PTGER3: variants seen among roughly 807,000 people sequenced by gnomAD.
PTGER3 encodes the protein prostaglandin E2 receptor EP3 subtype.
PTGER3 carries 22 observed loss-of-function variants against 34.7 expected under a neutral mutation model. The ratio of observed to expected loss-of-function variants is 0.63; its 90% CI spans 0.45 to 0.91. The LOEUF (loss-of-function observed/expected upper bound fraction) is 0.91. PTGER3 is among the 40% of genes least tolerant of loss of function. The pLI is 0.00. For missense variants in PTGER3, 468 were observed against 519.4 expected (o/e 0.90, Z 0.96); for synonymous variants, 241 against 230.1 (o/e 1.05, Z -0.43).
chr1:71,023,956 C>T (rs1658657566), intron 1 of PTGER3, among the ~76,000 whole-genome samples: 1 of 151,790 alleles, frequency 6.6e-6, no homozygotes, highest in South Asian at 2.1e-4. Flanking sequence ...CTGGCCTGGC[C>T]CATGCTGCTG....
At chr1:70,996,619 C>T (rs1214006002) in intron 2 of PTGER3, among the ~76,000 whole-genome samples, 1 of 117,716 alleles carries the variant, frequency 8.5e-6, no homozygotes, top group African/African-American at 3.3e-5. Context: ...CGCCACCATG[C>T]CCGGCTAATT....
At chr1:71,036,255 C>T (rs1481325666) in intron 1 of PTGER3, among the ~76,000 whole-genome samples, 2 of 152,176 alleles carry the variant, frequency 1.3e-5, no homozygotes, top group Non-Finnish European at 2.9e-5. Context: ...GATCAAGAAA[C>T]TGAACCTCTT....
At chr1:71,016,247 T>G (rs1348510806) in intron 1 of PTGER3, among the ~76,000 whole-genome samples, 6 of 152,154 alleles carry the variant, frequency 3.9e-5, no homozygotes, top group African/African-American at 1.4e-4. Context: ...AGCTATACAA[T>G]AAATAAATGT....
At chr1:70,882,782 G>A (rs569033925) in intron 4 of PTGER3, among the ~76,000 whole-genome samples, 56 of 152,164 alleles carry the variant, frequency 3.7e-4, no homozygotes, top group Non-Finnish European at 7.2e-4. Context: ...ATGTGGGAGA[G>A]GTTCTCCTGG....
intron 3 of PTGER3, among the ~76,000 whole-genome samples, chr1:70,972,054 G>T (rs941234000): frequency 6.6e-6 from 1 of 152,118 alleles, no homozygotes; most frequent in Non-Finnish European, 1.5e-5. Flanking sequence ...TAGGCCAGAC[G>T]CGGTGGTTCA....
chr1:70,889,827 G>A (rs770681159), intron 4 of PTGER3, among the ~76,000 whole-genome samples: 45 of 151,854 alleles, frequency 3.0e-4, no homozygotes, highest in Non-Finnish European at 5.9e-4. Flanking sequence ...CCACATGTCT[G>A]TGAGGACTTG....
In PTGER3 at chr1:70,964,899, C is replaced by A. The variant is rs567888611; in HGVS notation, c.1078-11110G>T. On this transcript the variant is annotated intron_variant, in intron 2 of 3. Coordinates refer to the PTGER3 transcript ENST00000356595. ...CATACACCGTGATAGACACACCAGA[C>A]GTGGAAGTGAGAAATATGGTTCCCA... 4.6e-5 allele frequency among the ~76,000 whole-genome samples: 7 copies of A among 152,186 alleles called. No homozygotes were observed. The South Asian group carries it at 1.2e-3, about 27-fold the overall frequency.
At chr1:70,946,941 G>A (rs1347710559) in intron 4 of PTGER3, among the ~76,000 whole-genome samples, 1 of 152,032 alleles carries the variant, frequency 6.6e-6, no homozygotes, top group Non-Finnish European at 1.5e-5. Context: ...TCCAGGTGCA[G>A]TAACTCCATA....
chr1:70,862,190 T>C lies in PTGER3; in HGVS notation c.*24-9331A>G, dbSNP rs12061298. 2.3e-3 allele frequency: 1,172 copies of C among 504,802 alleles called. 16 individuals are homozygous for C. The highest frequency in any genetic ancestry group is 0.022 in the African/African-American group (1,082 of 48,738). The allele number at this position is 504,802 out of a possible 1,614,324, so 31.3% of individuals were successfully genotyped here. A position where few individuals can be genotyped will look rare whatever the true frequency, so the allele number is the denominator to read the frequency against. Reference sequence around the variant, plus strand: ...GAACCAAAATTAGCACCTCTTTTTTTCACCCACTCCTGAATTTATGAAATG... The same window carrying C: ...GAACCAAAATTAGCACCTCTTTTTTCCACCCACTCCTGAATTTATGAAATG... On this transcript the variant is annotated intron_variant, in intron 4 of 4. Coordinates refer to the PTGER3 transcript ENST00000370931.
intron 2 of PTGER3, among the ~76,000 whole-genome samples, chr1:70,964,696 T>C (rs1227584242): frequency 6.6e-6 from 1 of 152,182 alleles, no homozygotes; most frequent in Non-Finnish European, 1.5e-5. Context: ...AGCCAAACCA[T>C]ATCAAGCGGT....
rs866699206 is a variant in PTGER3, at chr1:70,900,907, A to G, written c.*24-48048T>C. On this transcript the variant is annotated intron_variant, in intron 4 of 4. Coordinates refer to the PTGER3 transcript ENST00000370931. Reference sequence around the variant, plus strand: ...TGATTGTCCTGCTATTTGATTATTTATTGCAAGTATGTATGATGGACCAGT... The same window carrying G: ...TGATTGTCCTGCTATTTGATTATTTGTTGCAAGTATGTATGATGGACCAGT... 2.2e-5 allele frequency among the ~76,000 whole-genome samples: 3 copies of G among 136,086 alleles called. No homozygotes were observed. In the South Asian group the frequency reaches 8.4e-4, roughly 38 times the overall value. The allele number at this position is 136,086 out of a possible 152,430, so 89.3% of individuals were successfully genotyped here.
intron 4 of PTGER3, among the ~76,000 whole-genome samples, chr1:70,940,006 T>C (rs1649609799): frequency 6.6e-6 from 1 of 152,352 alleles, no homozygotes; most frequent in South Asian, 2.1e-4. Flanking sequence ...TCCAAACTTT[T>C]AAGCTCTGCT....
chr1:70,981,315 C>CTTT (rs1654256003), intron 2 of PTGER3, among the ~76,000 whole-genome samples: 5 of 95,796 alleles, frequency 5.2e-5, no homozygotes, highest in African/African-American at 1.7e-4. Flanking sequence ...TTCCTTCCTT[C>CTTT]CTTTCTTCTT....
intron 4 of PTGER3, among the ~76,000 whole-genome samples, chr1:70,867,483 G>A (rs974497034): frequency 1.3e-5 from 2 of 152,160 alleles, no homozygotes; most frequent in African/African-American, 4.8e-5. Context: ...CATGTTGGGA[G>A]GCCGAGGCGG....
chr1:70,950,637 A>G (rs551847043), downstream of PTGER3: 1 of 152,346 alleles, frequency 6.6e-6, no homozygotes, highest in South Asian at 2.1e-4. Context: ...ACTGATTTAA[A>G]TTTCATAAAT....
chr1:70,875,261 A>C (rs547596418), intron 4 of PTGER3, among the ~76,000 whole-genome samples: 1 of 152,226 alleles, frequency 6.6e-6, no homozygotes, highest in South Asian at 2.1e-4. Context: ...GGGTGTGATC[A>C]ACCTCCCTGG....
intron 4 of PTGER3, chr1:70,852,942 C>A (rs1351257163): frequency 1.4e-6 from 2 of 1,450,010 alleles, no homozygotes; most frequent in Non-Finnish European, 1.9e-6. Flanking sequence ...GCAATAAATT[C>A]TCATAAATTT....
At chr1:70,980,305 G>A (rs1026124819) in intron 2 of PTGER3, among the ~76,000 whole-genome samples, 8 of 152,098 alleles carry the variant, frequency 5.3e-5, no homozygotes, top group Non-Finnish European at 1.2e-4. Flanking sequence ...AAAACCTTAG[G>A]CAGGAAGAAG....
intron 4 of PTGER3, among the ~76,000 whole-genome samples, chr1:70,869,676 C>A (rs532629143): frequency 9.8e-5 from 15 of 152,306 alleles, no homozygotes; most frequent in Middle Eastern, 6.8e-3. Context: ...AGGCTCTATG[C>A]AAGTTTGAAA....
Sources: gnomAD v4.1 joint callset for allele counts (sites outside exome capture counted in the v4.1 genomes callset) on GRCh38, gnomAD v4.1.1 for gene constraint, MANE v1.5 for transcripts, NCBI Gene and HGNC (gene_info 2026-07-23, HGNC 2026-07-21) for gene names.